The following CUBN variants were observed in gnomAD, a reference collection of about 807,000 sequenced individuals.
The protein encoded by CUBN is 460 kDa receptor.
In CUBN, 282 loss-of-function variants were observed where a neutral mutation model predicts 405.3. That is an observed-to-expected ratio of 0.70 (90% CI 0.63 to 0.77). CUBN has a LOEUF of 0.77. Among genes scored for constraint, CUBN ranks in the 30% least tolerant of loss-of-function variants. The pLI is 0.00. For synonymous variants in CUBN, 1,684 were observed against 1,617.0 expected (o/e 1.04, Z -0.99); for missense variants, 4,514 against 4,475.2 (o/e 1.01, Z -0.25).
rs769188537 is a variant in CUBN, at chr10:17,114,209, G to A, written c.721-20C>T. 66 of 1,612,242 alleles carry A rather than the reference G, an allele frequency of 4.1e-5. No individual in the cohort carries two copies. Among genetic ancestry groups the A allele is most frequent in the South Asian group, 9.9e-5 (9 of 90,690 alleles). On this transcript the variant is annotated intron_variant, in intron 7 of 66. Coordinates refer to ENST00000377833, the MANE Select transcript of CUBN (RefSeq NM_001081.4). ...CTTGGGCTGGCAGGATGACAACAGC[G>A]TGAATAAAGACAATCATGAAAATCA...
rs7905349 is a variant in CUBN at position 17,084,384 on chromosome 10, G to A, written c.2188C>T (p.His730Tyr). ...ATCATATAGACGCATTGCCTGGTGT[G>A]AGTGAAAGGCCCAGACAACTCAGGC... The part of the protein sequence containing the change: ...FLPELSGPFT[H>Y]TRQCVYMMKQ... The change falls in exon 17 of 67, where the codon CAC becomes TAC. Residue 730 changes from histidine (H) to tyrosine (Y), a missense_variant. By Grantham distance (83) the His-to-Tyr change is moderately conservative. This residue lies in a region of CUBN where 1,448 missense variants were observed against 1,388.0 expected (regional missense o/e 1.04). Transcript: ENST00000377833. 0.018 allele frequency: 29,695 copies of A among 1,614,048 alleles called. 2,506 individuals are homozygous for A. In the African/African-American group the frequency reaches 0.25, roughly 13 times the overall value.
At position 16,840,330 on chromosome 10, in the gene CUBN, C is replaced by G; in HGVS notation, c.10032G>C (p.Gln3344His). The G allele has an allele frequency of 1.2e-6, 2 of 1,613,572 alleles. No homozygotes were observed. The highest frequency in any genetic ancestry group is 1.7e-6 in the Non-Finnish European group (2 of 1,179,532). The change falls in exon 62 of 67, where the codon CAG (glutamine) becomes CAC (histidine). Residue 3344 changes from glutamine (Q) to histidine (H), a missense_variant and splice_region_variant. Physicochemically the swap from Gln to His is conservative, Grantham distance 24. Coordinates refer to ENST00000377833, the MANE Select transcript of CUBN (RefSeq NM_001081.4). Reference sequence around the variant, plus strand: ...CTGCCATTCATCTTATAATTGTTACCTGCGGTGAGTCCTGAAGCTGTAAGT... The same window carrying G: ...CTGCCATTCATCTTATAATTGTTACGTGCGGTGAGTCCTGAAGCTGTAAGT... ...QNYLQLQDSP[Q>H]GHGNSRFQFC...
rs143075034 is a variant in CUBN, at chr10:16,865,819, G to GC, written c.9454+3816_9454+3817insG. ...TACCCTTCCACGCTGCGGAAGTTTT[G>GC]TTTTTTTGCTCTTTACAATAAACCC... is the stretch of plus-strand genomic sequence containing the variant. On this transcript the variant is annotated intron_variant, in intron 59 of 66. Coordinates refer to ENST00000377833, the MANE Select transcript of CUBN (RefSeq NM_001081.4). Among the ~76,000 whole-genome samples the GC allele has an allele frequency of 2.6e-3, 394 of 152,122 alleles. 4 individuals carry two copies. Among genetic ancestry groups the GC allele is most frequent in the African/African-American group, 9.1e-3 (378 of 41,488 alleles).
intron 26 of CUBN, among the ~76,000 whole-genome samples, chr10:17,042,734 G>A (rs1835045398): frequency 6.6e-6 from 1 of 151,890 alleles, no homozygotes; most frequent in Non-Finnish European, 1.5e-5. Flanking sequence ...AACTATCTAG[G>A]ATTCAGCCTA....
intron 19 of CUBN, among the ~76,000 whole-genome samples, chr10:17,069,311 T>G (rs1048522843): frequency 6.6e-6 from 1 of 152,238 alleles, no homozygotes; most frequent in Non-Finnish European, 1.5e-5. Context: ...CAAATTTTTG[T>G]GTGGACATAT....
intron 22 of CUBN, among the ~76,000 whole-genome samples, chr10:17,062,217 G>A (rs1187431948): frequency 2.6e-5 from 4 of 151,890 alleles, no homozygotes; most frequent in African/African-American, 7.3e-5. Context: ...CATGACTCAC[G>A]AATGAGTCAT....
intron 10 of CUBN, among the ~76,000 whole-genome samples, chr10:17,106,742 C>T (rs1277817730): frequency 2.6e-5 from 4 of 152,168 alleles, no homozygotes; most frequent in East Asian, 1.9e-4. Flanking sequence ...GCACTCCCCT[C>T]GTGTGTAGGC....
chr10:16,984,401 GCCT>G (rs1410331985), intron 29 of CUBN, 122 bp from the exon 30 acceptor site: 2 of 967,164 alleles, frequency 2.1e-6, no homozygotes, highest in Non-Finnish European at 3.2e-6. Context: ...TGAAATCTCA[GCCT>G]CCCTGGGTGG....
intron 23 of CUBN, 48 bp downstream of exon 23, chr10:17,047,366 G>A (rs1419343663): frequency 2.1e-6 from 3 of 1,396,120 alleles, no homozygotes; most frequent in Non-Finnish European, 2.0e-6. Flanking sequence ...GATTATTAAT[G>A]AGAATAAATA....
chr10:17,011,391 ATGAG>A (rs756815186), intron 28 of CUBN, among the ~76,000 whole-genome samples: 27 of 151,984 alleles, frequency 1.8e-4, no homozygotes, highest in South Asian at 1.3e-3. Flanking sequence ...GACCTTCACC[ATGAG>A]TGTTACGGCC....
chr10:17,074,932 G>A (rs1221449983), intron 17 of CUBN, among the ~76,000 whole-genome samples: 1 of 151,834 alleles, frequency 6.6e-6, no homozygotes, highest in Non-Finnish European at 1.5e-5. Flanking sequence ...AGAACCACTG[G>A]GTTAACCAAA....
intron 58 of CUBN, among the ~76,000 whole-genome samples, chr10:16,872,529 A>G (rs1453470873): frequency 1.3e-5 from 2 of 152,096 alleles, no homozygotes; most frequent in African/African-American, 4.8e-5. Context: ...AGGACCCCTC[A>G]CAAATGGGAT....
Position 17,100,066 on chromosome 10 carries a change from G to A in CUBN, c.1704C>T (p.Leu568=), listed in dbSNP as rs752698463. ...TCCCATTTCTTAAATGTTCAGAATA[G>A]AGATGAAAATAGAGAGCATTGTCAC... ...LSSDNALYFH[L]YSEHLRNGRG... The change falls in exon 14 of 67, where the codon CTC becomes CTT. Residue 568 remains leucine, a synonymous_variant. Transcript: ENST00000377833. 1.2e-6 allele frequency: 2 copies of A among 1,613,910 alleles called. No individual in the cohort carries two copies. The highest frequency in any genetic ancestry group is 1.7e-6 in the Non-Finnish European group (2 of 1,179,936).
At chr10:16,833,837 T>A (rs1266570814) in intron 64 of CUBN, among the ~76,000 whole-genome samples, 1 of 152,026 alleles carries the variant, frequency 6.6e-6, no homozygotes, top group East Asian at 1.9e-4. Context: ...CAAATCCTCT[T>A]GGGCAGCTTA....
In CUBN at chr10:17,128,980, A is replaced by G. The variant is rs570041905; in HGVS notation, c.252+141T>C. 14 of 649,136 alleles carry G rather than the reference A, an allele frequency of 2.2e-5. No homozygotes were observed. The East Asian group carries it at 3.8e-4, about 18-fold the overall frequency. The allele number at this position is 649,136 out of a possible 1,614,324, so 40.2% of individuals were successfully genotyped here. On this transcript the variant is annotated intron_variant, in intron 2 of 66. Coordinates refer to ENST00000377833, the MANE Select transcript of CUBN (RefSeq NM_001081.4). The stretch of plus-strand genomic sequence containing the variant: ...AATTACCCTGATTTGAACTTTACAC[A>G]TTATAGGAATGTATCAAATTATGTA...
At chr10:16,877,122 A>G in intron 56 of CUBN, 25 bp from the exon 57 acceptor site, 1 of 1,600,228 alleles carries the variant, frequency 6.2e-7, no homozygotes, top group South Asian at 1.1e-5. Context: ...GAACAACCGC[A>G]TTATGATCAG....
rs373895073 is a variant in CUBN at position 16,920,124 on chromosome 10, G to A, written c.6660C>T (p.Asn2220=). 2.5e-6 allele frequency: 4 copies of A among 1,613,794 alleles called. No individual in the cohort carries two copies. The highest frequency in any genetic ancestry group is 1.6e-4 in the Middle Eastern group (1 of 6,084). ...CAGAATCAGCATCATGGATGTAGAC[G>A]TTGCCCCCACAGGCTGTGAGCAAAC... ...YEAKSLACGG[N]VYIHDADSAG... Residue 2220 remains asparagine, a synonymous_variant, in exon 44 of 67, where the codon AAC becomes AAT. Coordinates refer to ENST00000377833, the MANE Select transcript of CUBN (RefSeq NM_001081.4).
chr10:16,923,483 G>C (rs745953107), intron 43 of CUBN, among the ~76,000 whole-genome samples: 4 of 152,280 alleles, frequency 2.6e-5, no homozygotes, highest in Non-Finnish European at 5.9e-5. Context: ...GAAGTAGAAG[G>C]CTGGCTATAG....
intron 43 of CUBN, among the ~76,000 whole-genome samples, chr10:16,922,105 A>C (rs911566344): frequency 6.6e-6 from 1 of 151,516 alleles, no homozygotes; most frequent in African/African-American, 2.4e-5. Flanking sequence ...TCTGCATCTT[A>C]ACACTAGAAT....
Sources: gnomAD v4.1 joint callset for allele counts (sites outside exome capture counted in the v4.1 genomes callset) on GRCh38, gnomAD v4.1.1 for gene constraint, gnomAD v4.1.1 regional missense constraint, MANE v1.5 for transcripts, NCBI Gene and HGNC (gene_info 2026-07-23, HGNC 2026-07-21) for gene names.